GPATCH1: variants seen among roughly 807,000 people sequenced by gnomAD.
GPATCH1 encodes G-patch domain containing 1.
In GPATCH1, 73 loss-of-function variants were observed where a neutral mutation model predicts 114.9. The observed-to-expected ratio is 0.64, with a 90% CI of 0.53 to 0.77. The LOEUF is 0.77. GPATCH1 is among the 30% of genes least tolerant of loss of function. The pLI, the probability that GPATCH1 is intolerant of heterozygous loss-of-function variation, is 0.00. For missense variants in GPATCH1, 1,058 were observed against 1,144.3 expected (o/e 0.92, Z 1.09); for synonymous variants, 391 against 428.4 (o/e 0.91, Z 1.08).
At chr19:33,084,902 C>G (rs1972519958) in intron 1 of GPATCH1, among the ~76,000 whole-genome samples, 1 of 152,180 alleles carries the variant, frequency 6.6e-6, no homozygotes, top group East Asian at 1.9e-4. Context: ...CTCAGGTGAT[C>G]CGCCCGCCTC....
Position 33,088,112 on chromosome 19 carries a change from CTTTT to C in GPATCH1, c.74-6_74-3del, listed in dbSNP as rs35343047. On this transcript the variant is annotated intron_variant, in intron 1 of 19. Transcript: ENST00000170564. ...TCTCCTCTCTTTTTCATTTAAAAAA[CTTTT>C]TTTTTTTTTTTTTTTAGGTGAAAGA... 6,056 of 1,095,432 alleles carry C rather than the reference CTTTT, an allele frequency of 5.5e-3. No individual in the cohort carries two copies. Among genetic ancestry groups the C allele is most frequent in the South Asian group, 0.013 (603 of 46,894 alleles). 67.9% of individuals were successfully genotyped at this position (1,095,432 alleles called of 1,614,324 possible). A position where few individuals can be genotyped will look rare whatever the true frequency, so the allele number is the denominator to read the frequency against.
intron 19 of GPATCH1, among the ~76,000 whole-genome samples, chr19:33,129,381 C>T (rs1316968960): frequency 1.3e-5 from 2 of 148,480 alleles, no homozygotes; most frequent in South Asian, 2.1e-4. Flanking sequence ...AAGACCAGCT[C>T]GGGTAATATA....
intron 11 of GPATCH1, among the ~76,000 whole-genome samples, chr19:33,111,424 C>T (rs1447962909): frequency 2.0e-5 from 3 of 150,324 alleles, no homozygotes; most frequent in Non-Finnish European, 4.4e-5. Flanking sequence ...GGGGTTTCAC[C>T]ATGTTTGCCA....
chr19:33,120,138 TTAAA>T (rs1157412656), intron 17 of GPATCH1, among the ~76,000 whole-genome samples: 1 of 140,036 alleles, frequency 7.1e-6, no homozygotes, highest in Non-Finnish European at 1.5e-5. Flanking sequence ...CTAAATATAT[TTAAA>T]TAAAATATGT....
chr19:33,108,082 C>T (rs1428379127), intron 10 of GPATCH1, among the ~76,000 whole-genome samples: 1 of 152,008 alleles, frequency 6.6e-6, no homozygotes, highest in Non-Finnish European at 1.5e-5. Flanking sequence ...CTTAGTGAGT[C>T]CTCTCGGCTC....
intron 12 of GPATCH1, 94 bp from the exon 13 acceptor site, chr19:33,112,392 C>T: frequency 1.4e-6 from 2 of 1,418,706 alleles, no homozygotes; most frequent in Admixed American, 2.0e-5. Context: ...ACTTTTTTCA[C>T]AGTTCTAGAA....
At chr19:33,112,442 G>A (rs1972866434) in intron 12 of GPATCH1, 44 bp from the exon 13 acceptor site, 1 of 1,610,158 alleles carries the variant, frequency 6.2e-7, no homozygotes, top group African/African-American at 1.3e-5. Context: ...AGTCAGGTCA[G>A]TGGTGCGGCC....
rs528481159 is a variant in GPATCH1 at position 33,125,607 on chromosome 19, A to C, written c.2619+405A>C. ...CACCATGTTGGCCAAGCTGGTTTTG[A>C]CCTCCTGACCTCCGGTGATCTACCT... On this transcript the variant is annotated intron_variant, in intron 18 of 19. Transcript: ENST00000170564. Among the ~76,000 whole-genome samples the C allele has an allele frequency of 3.3e-5, 5 of 151,532 alleles. No individual in the cohort carries two copies. In the East Asian group the frequency reaches 9.7e-4, roughly 29 times the overall value.
Position 33,112,484 on chromosome 19 carries a change from AGAATGAT to A in GPATCH1, c.1765_1771del (p.Asn589SerfsTer8), listed in dbSNP as rs1458559619. 3.1e-6 allele frequency: 5 copies of A among 1,613,854 alleles called. No homozygotes were observed. Among genetic ancestry groups the A allele is most frequent in the Non-Finnish European group, 4.2e-6 (5 of 1,179,968 alleles). The stretch of plus-strand genomic sequence containing the variant: ...TGGAACAGAATGCATGTCTTTTTCC[AGAATGAT>A]GTCGGGGATAAGCAGTCGGCTGTGA... On this transcript the variant is annotated splice_acceptor_variant and coding_sequence_variant, in exon 13 of 20. Coordinates refer to ENST00000170564, the MANE Select transcript of GPATCH1 (RefSeq NM_018025.3). LOFTEE classifies it high-confidence loss of function.
intron 3 of GPATCH1, among the ~76,000 whole-genome samples, chr19:33,092,450 G>A (rs1321400847): frequency 6.6e-6 from 1 of 152,028 alleles, no homozygotes; most frequent in East Asian, 1.9e-4. Context: ...CATTCCTAAC[G>A]CAGTCCCTGG....
In GPATCH1 at chr19:33,088,207, C is replaced by T. The variant is rs370166798; in HGVS notation, c.147C>T (p.Phe49=). 5.0e-6 allele frequency: 8 copies of T among 1,603,726 alleles called. No individual in the cohort carries two copies. In the African/African-American group the frequency reaches 1.1e-4, roughly 22 times the overall value. Reference sequence around the variant, plus strand: ...ATGAAAAAGGAAGGTATAAACGATTCCACGGGGCCTTTAGTGGAGGTTTCT... The same window carrying T: ...ATGAAAAAGGAAGGTATAAACGATTTCACGGGGCCTTTAGTGGAGGTTTCT... ...VRDEKGRYKR[F]HGAFSGGFSA... The change falls in exon 2 of 20, where the codon TTC becomes TTT. Residue 49 remains phenylalanine, a synonymous_variant. Transcript: ENST00000170564.
intron 1 of GPATCH1, 66 bp from the exon 2 acceptor site, chr19:33,088,068 C>A: frequency 1.4e-5 from 12 of 881,696 alleles, no homozygotes; most frequent in South Asian, 6.1e-5. Context: ...TGACATTTTC[C>A]CTAAATTTGA....
intron 17 of GPATCH1, among the ~76,000 whole-genome samples, chr19:33,123,369 C>T (rs1221811725): frequency 2.0e-5 from 3 of 150,622 alleles, no homozygotes; most frequent in Non-Finnish European, 4.4e-5. Context: ...CATTGCACTC[C>T]AGCCTGGGCA....
At chr19:33,084,941 G>T (rs532884307) in intron 1 of GPATCH1, among the ~76,000 whole-genome samples, 1 of 152,214 alleles carries the variant, frequency 6.6e-6, no homozygotes, top group Non-Finnish European at 1.5e-5. Context: ...AATTACAGGC[G>T]TGGGCCACTG....
intron 1 of GPATCH1, 86 bp downstream of exon 1, chr19:33,081,352 A>C: frequency 8.7e-7 from 1 of 1,150,568 alleles, no homozygotes; most frequent in Non-Finnish European, 1.3e-6. Context: ...TCGGTGCTGG[A>C]CCATTGTTAG....
At chr19:33,102,548 C>T (rs1972739275) in intron 9 of GPATCH1, among the ~76,000 whole-genome samples, 1 of 151,786 alleles carries the variant, frequency 6.6e-6, no homozygotes, top group East Asian at 2.0e-4. Flanking sequence ...AGGCGTGCAC[C>T]ACCACGGCTG....
At chr19:33,088,342 C>CTT (rs879692801) in intron 2 of GPATCH1, 74 bp downstream of exon 2, 289 of 870,012 alleles carry the variant, frequency 3.3e-4, no homozygotes, top group Non-Finnish European at 3.7e-4. Context: ...CTCACCCTTG[C>CTT]TTTTTTTTTT....
At chr19:33,099,841 G>T (rs1018461328) in intron 8 of GPATCH1, among the ~76,000 whole-genome samples, 10 of 150,260 alleles carry the variant, frequency 6.7e-5, no homozygotes, top group Non-Finnish European at 3.0e-5. Context: ...CCTGATCTTG[G>T]CTCACCACAG....
At chr19:33,096,572 C>G in intron 7 of GPATCH1, 126 bp downstream of exon 7, 1 of 731,982 alleles carries the variant, frequency 1.4e-6, no homozygotes, top group Non-Finnish European at 2.2e-6. Flanking sequence ...GGAATCAGGT[C>G]AAAGATTCTT....
Sources: gnomAD v4.1 joint callset for allele counts (sites outside exome capture counted in the v4.1 genomes callset) on GRCh38, gnomAD v4.1.1 for gene constraint, MANE v1.5 for transcripts, NCBI Gene and HGNC (gene_info 2026-07-23, HGNC 2026-07-21) for gene names.